Variants in EYS observed in about 807,000 individuals in gnomAD.
EYS encodes EGF-like photoreceptor maintenance factor, also known as protein eyes shut homolog.
Under a neutral mutation model 282.1 loss-of-function variants are expected in EYS, and 250 were observed. The observed-to-expected ratio is 0.89, with a 90% CI of 0.80 to 0.98. EYS has a LOEUF of 0.98. Ranked by LOEUF, EYS falls within the 50% of genes least tolerant of loss-of-function variation. The pLI is 0.00. For missense variants in EYS, 4,016 were observed against 3,709.0 expected (o/e 1.08, Z -2.15); for synonymous variants, 1,355 against 1,282.9 (o/e 1.06, Z -1.20).
At chr6:64,386,207 T>A (rs924990288) in intron 29 of EYS, among the ~76,000 whole-genome samples, 1 of 152,204 alleles carries the variant, frequency 6.6e-6, no homozygotes, top group Non-Finnish European at 1.5e-5. Flanking sequence ...AGCCAGTTGT[T>A]AAATATTTGA....
intron 18 of EYS, among the ~76,000 whole-genome samples, chr6:64,900,713 T>A (rs1767627545): frequency 6.6e-6 from 1 of 152,054 alleles, no homozygotes; most frequent in African/African-American, 2.4e-5. Flanking sequence ...ATGGCGATCA[T>A]TAAAAAGTCA....
chr6:65,506,457 TTTC>T (rs1766658716), intron 2 of EYS, among the ~76,000 whole-genome samples: 1 of 126,332 alleles, frequency 7.9e-6, no homozygotes, highest in Admixed American at 9.2e-5. Flanking sequence ...CCTTCCTTCC[TTTC>T]TTTTTTTTTT....
chr6:65,280,370 G>A (rs1405475668), intron 12 of EYS, among the ~76,000 whole-genome samples: 1 of 152,092 alleles, frequency 6.6e-6, no homozygotes, highest in African/African-American at 2.4e-5. Context: ...GACATGTTGG[G>A]TGAATTATAA....
intron 22 of EYS, among the ~76,000 whole-genome samples, chr6:64,742,921 A>C (rs76920444): frequency 0.017 from 2,580 of 152,220 alleles, 74 homozygotes; most frequent in African/African-American, 0.058. Context: ...CACCGGTGAT[A>C]AAGGAATTAG....
chr6:64,740,145 T>G (rs1035216374), intron 22 of EYS, among the ~76,000 whole-genome samples: 2 of 152,122 alleles, frequency 1.3e-5, no homozygotes, highest in African/African-American at 2.4e-5. Flanking sequence ...GAGAAAGTAT[T>G]CTTTCTCCTC....
intron 26 of EYS, among the ~76,000 whole-genome samples, chr6:64,461,530 A>G (rs1775747162): frequency 1.3e-5 from 2 of 152,308 alleles, no homozygotes; most frequent in South Asian, 4.1e-4. Flanking sequence ...CATTAGTGGA[A>G]GATTGAGGAA....
intron 35 of EYS, among the ~76,000 whole-genome samples, chr6:63,868,954 G>C (rs982535903): frequency 2.0e-5 from 3 of 152,148 alleles, no homozygotes; most frequent in Admixed American, 6.5e-5. Flanking sequence ...ACACCACTAC[G>C]TGTGTCATTT....
At chr6:65,369,099 T>C (rs1341724479) in intron 8 of EYS, among the ~76,000 whole-genome samples, 2 of 150,700 alleles carry the variant, frequency 1.3e-5, no homozygotes, top group African/African-American at 4.9e-5. Flanking sequence ...TTAACAAAAC[T>C]CTTTCAAATT....
At chr6:64,979,876 G>A (rs1447031263) in intron 14 of EYS, among the ~76,000 whole-genome samples, 3 of 151,454 alleles carry the variant, frequency 2.0e-5, no homozygotes, top group Admixed American at 1.3e-4. Flanking sequence ...TTCCCACTAA[G>A]TTATTGTGAG....
At chr6:65,445,090 G>GA (rs34222132) in intron 5 of EYS, among the ~76,000 whole-genome samples, 48 of 145,122 alleles carry the variant, frequency 3.3e-4, no homozygotes, top group South Asian at 6.5e-4. Context: ...GTTAGTACCT[G>GA]AAAAAAAAAA....
At chr6:65,428,184 C>T (rs916705164) in intron 5 of EYS, among the ~76,000 whole-genome samples, 1 of 151,930 alleles carries the variant, frequency 6.6e-6, no homozygotes, top group African/African-American at 2.4e-5. Context: ...TCTTAGTATG[C>T]TTATGTTCAT....
chr6:65,091,350 T>A (rs1774557590), intron 12 of EYS, among the ~76,000 whole-genome samples: 1 of 149,894 alleles, frequency 6.7e-6, no homozygotes, highest in South Asian at 2.1e-4. Context: ...CTCAGGAGAC[T>A]GAGGCAGGAG....
At chr6:64,307,690 G>C (rs1364529074) in intron 29 of EYS, among the ~76,000 whole-genome samples, 1 of 151,952 alleles carries the variant, frequency 6.6e-6, no homozygotes, top group Non-Finnish European at 1.5e-5. Flanking sequence ...TGGGACTTTT[G>C]GTGAATGAAT....
At chr6:65,272,699 T>C (rs573036906) in intron 12 of EYS, among the ~76,000 whole-genome samples, 1 of 152,310 alleles carries the variant, frequency 6.6e-6, no homozygotes, top group Admixed American at 6.5e-5. Flanking sequence ...TATATAAATG[T>C]CATTCTTAAC....
At chr6:64,463,252 C>T (rs1032728898) in intron 26 of EYS, among the ~76,000 whole-genome samples, 3 of 152,068 alleles carry the variant, frequency 2.0e-5, no homozygotes, top group Non-Finnish European at 4.4e-5. Flanking sequence ...CGCCTGGCCT[C>T]TCAGCTTTAA....
intron 33 of EYS, among the ~76,000 whole-genome samples, chr6:64,045,440 T>C (rs935077997): frequency 2.8e-4 from 42 of 149,022 alleles, no homozygotes; most frequent in Admixed American, 2.3e-3. Flanking sequence ...TTATTTTATT[T>C]ATTTTATTTT....
At chr6:64,583,032 CA>C (rs1380749149) in intron 26 of EYS, among the ~76,000 whole-genome samples, 4 of 152,024 alleles carry the variant, frequency 2.6e-5, no homozygotes, top group Admixed American at 2.6e-4. Context: ...TAAGTTAGAA[CA>C]AAAGTGACAT....
chr6:64,690,274 C>T (rs1020992483), intron 22 of EYS, among the ~76,000 whole-genome samples: 14 of 151,958 alleles, frequency 9.2e-5, no homozygotes, highest in Middle Eastern at 3.2e-3. Context: ...AAAACCACGA[C>T]GAGATACCAT....
At chr6:65,015,428 T>C (rs1772010906) in intron 13 of EYS, among the ~76,000 whole-genome samples, 1 of 152,208 alleles carries the variant, frequency 6.6e-6, no homozygotes, top group Admixed American at 6.5e-5. Flanking sequence ...TTGTGATCTA[T>C]AGAACATAAA....
Sources: allele counts gnomAD v4.1 joint callset (sites outside exome capture counted in the v4.1 genomes callset), GRCh38; gene constraint gnomAD v4.1.1; transcripts MANE v1.5; gene names NCBI Gene and HGNC (gene_info 2026-07-23, HGNC 2026-07-21).